INTS3: variants seen among roughly 807,000 people sequenced by gnomAD.
INTS3 encodes SOSS complex subunit A.
In INTS3, 34 loss-of-function variants were observed where a neutral mutation model predicts 146.3. The observed-to-expected ratio is 0.23, with a 90% CI of 0.18 to 0.31. The LOEUF is 0.31. INTS3 is among the 10% of genes least tolerant of loss of function. The pLI is 1.00. For synonymous variants in INTS3, 475 were observed against 494.9 expected (o/e 0.96, Z 0.53); for missense variants, 757 against 1,304.2 (o/e 0.58, Z 6.46).
In INTS3 at chr1:153,774,203, T is replaced by G. The variant is rs534936222; in HGVS notation, c.*933T>G. ...TCCCTTCCTGTTCTGCCCCCACTTT[T>G]GTCTAGAGCAGAAGGGACTTGGCTT... is the stretch of plus-strand genomic sequence containing the variant. On this transcript the variant is annotated 3_prime_UTR_variant, in exon 30 of 30. Transcript: ENST00000318967. 6.6e-6 allele frequency: 1 copy of G among 152,316 alleles called. No homozygotes were observed. Among genetic ancestry groups the G allele is most frequent in the African/African-American group, 2.4e-5 (1 of 41,560 alleles). 9.4% of individuals were successfully genotyped at this position (152,316 alleles called of 1,614,324 possible). A position where few individuals can be genotyped will look rare whatever the true frequency, so the allele number is the denominator to read the frequency against.
Position 153,751,249 on chromosome 1 carries a change from C to A in INTS3, c.729+10C>A. On this transcript the variant is annotated intron_variant, in intron 7 of 29. Transcript: ENST00000318967. ...ACTGCTTCGGGAACGGGTGAGGGAA[C>A]AGGACAAAAATAATGTGGGGAAGTG... 6.2e-7 allele frequency: 1 copy of A among 1,613,442 alleles called. No homozygotes were observed. The highest frequency in any genetic ancestry group is 8.5e-7 in the Non-Finnish European group (1 of 1,179,616).
At chr1:153,732,442 T>C (rs563037077) in intron 1 of INTS3, among the ~76,000 whole-genome samples, 1 of 151,504 alleles carries the variant, frequency 6.6e-6, no homozygotes, top group East Asian at 1.9e-4. Flanking sequence ...CGTGAGTCCT[T>C]GGGGATTTTT....
At chr1:153,759,751 T>G (rs1322607800) in intron 11 of INTS3, 138 bp downstream of exon 11, 1 of 654,382 alleles carries the variant, frequency 1.5e-6, no homozygotes, top group Non-Finnish European at 2.7e-6. Flanking sequence ...TTGTTCCTCA[T>G]CAGTTTTCCC....
At chr1:153,736,236 A>G (rs1671279935) in intron 1 of INTS3, among the ~76,000 whole-genome samples, 1 of 152,162 alleles carries the variant, frequency 6.6e-6, no homozygotes, top group African/African-American at 2.4e-5. Flanking sequence ...TGAGCTGCCA[A>G]TCTGACCTAA....
intron 16 of INTS3, 60 bp from the exon 17 acceptor site, chr1:153,763,772 G>A: frequency 1.4e-6 from 2 of 1,406,650 alleles, no homozygotes; most frequent in East Asian, 4.6e-5. Context: ...TTCTGGGTGT[G>A]TGTCCTGCCC....
At chr1:153,760,414 TC>T (rs1444697685) in intron 12 of INTS3, 24 bp downstream of exon 12, 1 of 1,587,986 alleles carries the variant, frequency 6.3e-7, no homozygotes. Flanking sequence ...CTCTCTTTTC[TC>T]CCCATGCCTG....
intron 1 of INTS3, among the ~76,000 whole-genome samples, chr1:153,737,794 C>A (rs1037651240): frequency 1.3e-5 from 2 of 152,110 alleles, no homozygotes; most frequent in Non-Finnish European, 2.9e-5. Flanking sequence ...CCACTGTGCC[C>A]GACCCCTGGT....
rs1484840370 is a variant in INTS3 at position 153,764,230 on chromosome 1, G to T, written c.1925+9G>T. ...GAGGAGATTACTGAGGAGTAAGGCT[G>T]ATTTTCCCTCACTCCAGAGCCTCAG... On this transcript the variant is annotated intron_variant, in intron 18 of 29. Transcript: ENST00000318967. 6.3e-7 allele frequency: 1 copy of T among 1,592,010 alleles called. No individual in the cohort carries two copies. The highest frequency in any genetic ancestry group is 8.6e-7 in the Non-Finnish European group (1 of 1,160,354).
At chr1:153,743,323 T>C (rs1671607896) in intron 3 of INTS3, among the ~76,000 whole-genome samples, 1 of 152,208 alleles carries the variant, frequency 6.6e-6, no homozygotes, top group African/African-American at 2.4e-5. Context: ...TGAGATTTAG[T>C]TGTTCTTGAA....
At chr1:153,730,151 G>A (rs1671009853) in intron 1 of INTS3, among the ~76,000 whole-genome samples, 1 of 152,238 alleles carries the variant, frequency 6.6e-6, no homozygotes, top group South Asian at 2.1e-4. Flanking sequence ...TGGCTGGATA[G>A]TAACTTTGTG....
chr1:153,769,012 G>A, intron 22 of INTS3, 51 bp downstream of exon 22: 1 of 1,424,246 alleles, frequency 7.0e-7, no homozygotes, highest in Non-Finnish European at 9.9e-7. Flanking sequence ...CAGCATTAGG[G>A]ACATAGGGCC....
At chr1:153,769,110 T>C in intron 22 of INTS3, 149 bp downstream of exon 22, 1 of 663,996 alleles carries the variant, frequency 1.5e-6, no homozygotes, top group South Asian at 1.8e-5. Flanking sequence ...CTTTCAGCCA[T>C]GGGGCCTGGG....
chr1:153,765,866 G>A (rs865976534), intron 20 of INTS3, among the ~76,000 whole-genome samples: 2 of 152,014 alleles, frequency 1.3e-5, no homozygotes, highest in South Asian at 2.1e-4. Context: ...CACTGTGCCC[G>A]GCCTCAATAA....
chr1:153,750,255 T>A (rs1023113372), intron 6 of INTS3, among the ~76,000 whole-genome samples: 1 of 152,362 alleles, frequency 6.6e-6, no homozygotes, highest in African/African-American at 2.4e-5. Context: ...CATTACAAAT[T>A]GTTTGCTGGG....
At chr1:153,758,944 C>G (rs1242631608) in intron 10 of INTS3, among the ~76,000 whole-genome samples, 2 of 151,598 alleles carry the variant, frequency 1.3e-5, no homozygotes, top group Non-Finnish European at 2.9e-5. Context: ...CCATCTCTAC[C>G]AAAACAAAAC....
chr1:153,741,169 T>G (rs771402726), intron 2 of INTS3, 116 bp from the exon 3 acceptor site: 11 of 771,310 alleles, frequency 1.4e-5, no homozygotes, highest in Non-Finnish European at 2.5e-5. Context: ...GATTTAAAAG[T>G]TGATTATTCT....
chr1:153,748,837 T>C, intron 6 of INTS3, 82 bp downstream of exon 6: 1 of 1,124,820 alleles, frequency 8.9e-7, no homozygotes, highest in Non-Finnish European at 1.4e-6. Context: ...GATGAAAGGA[T>C]TGTGTGGCCC....
intron 7 of INTS3, 36 bp from the exon 8 acceptor site, chr1:153,752,243 C>A (rs751122161): frequency 6.2e-7 from 1 of 1,606,510 alleles, no homozygotes; most frequent in Admixed American, 1.7e-5. Context: ...TGTTTTTATT[C>A]TCTTTCCTGT....
At chr1:153,769,677 TC>T in intron 22 of INTS3, 91 bp from the exon 23 acceptor site, 1 of 774,202 alleles carries the variant, frequency 1.3e-6, no homozygotes, top group Non-Finnish European at 2.2e-6. Context: ...TTTTTTTTTT[TC>T]CCTTACGAGC....
Sources: gnomAD v4.1 joint callset for allele counts (sites outside exome capture counted in the v4.1 genomes callset) on GRCh38, gnomAD v4.1.1 for gene constraint, MANE v1.5 for transcripts, NCBI Gene and HGNC (gene_info 2026-07-23, HGNC 2026-07-21) for gene names.